CNTNAP5: variants seen among roughly 807,000 people sequenced by gnomAD.
The protein encoded by CNTNAP5 is contactin associated protein family member 5.
CNTNAP5 carries 72 observed loss-of-function variants against 150.2 expected under a neutral mutation model. That is an observed-to-expected ratio of 0.48 (90% CI 0.40 to 0.58). The LOEUF is 0.58. Among genes scored for constraint, CNTNAP5 ranks in the 20% least tolerant of loss-of-function variants. CNTNAP5 has a pLI of 0.00. For missense variants in CNTNAP5, 1,636 were observed against 1,626.2 expected (o/e 1.01, Z -0.10); for synonymous variants, 672 against 619.8 (o/e 1.08, Z -1.25).
intron 10 of CNTNAP5, among the ~76,000 whole-genome samples, chr2:124,562,161 A>G (rs76778200): frequency 6.6e-6 from 1 of 152,158 alleles, no homozygotes; most frequent in Non-Finnish European, 1.5e-5. Flanking sequence ...TGTCTGGAAG[A>G]AAAAAATGTT....
chr2:124,599,010 G>A lies in CNTNAP5; in HGVS notation c.1757-10791G>A, dbSNP rs1048668871. Among the ~76,000 whole-genome samples, 32 of 151,990 alleles carry A rather than the reference G, an allele frequency of 2.1e-4. 1 individual carries two copies. The highest frequency in any genetic ancestry group is 6.3e-4 in the African/African-American group (26 of 41,430). ...CCTCGCCCTGCTTCGGCTCACGCACGGTGCGCACACCCACTGGCCTGCGCC... is the reference window on the plus strand; with the variant it reads ...CCTCGCCCTGCTTCGGCTCACGCACAGTGCGCACACCCACTGGCCTGCGCC... On this transcript the variant is annotated intron_variant, in intron 11 of 23. Transcript: ENST00000682447.
At chr2:124,655,923 A>AAAAGAG (rs1678434644) in intron 13 of CNTNAP5, among the ~76,000 whole-genome samples, 1 of 105,932 alleles carries the variant, frequency 9.4e-6, no homozygotes, top group African/African-American at 3.7e-5. Context: ...GAAAGACAGA[A>AAAAGAG]AGAGAGAGAG....
intron 2 of CNTNAP5, among the ~76,000 whole-genome samples, chr2:124,226,374 G>A (rs1178858452): frequency 6.6e-6 from 1 of 152,054 alleles, no homozygotes; most frequent in Admixed American, 6.6e-5. Context: ...GCATCTTTCT[G>A]TGTGCCTGTT....
At chr2:124,510,591 C>CT (rs986717903) in intron 8 of CNTNAP5, among the ~76,000 whole-genome samples, 2 of 149,500 alleles carry the variant, frequency 1.3e-5, no homozygotes, top group South Asian at 2.1e-4. Flanking sequence ...TCTTCAGACT[C>CT]TTTTTTTGGT....
At chr2:124,466,624 A>G (rs1292098158) in intron 6 of CNTNAP5, among the ~76,000 whole-genome samples, 1 of 152,208 alleles carries the variant, frequency 6.6e-6, no homozygotes, top group Non-Finnish European at 1.5e-5. Flanking sequence ...GTAACAGAAT[A>G]ATAAGAATAA....
chr2:124,466,593 A>T (rs1378390493), intron 6 of CNTNAP5, among the ~76,000 whole-genome samples: 1 of 152,236 alleles, frequency 6.6e-6, no homozygotes, highest in Non-Finnish European at 1.5e-5. Flanking sequence ...AATTAACTTT[A>T]TCAAGTGTTT....
chr2:124,073,685 T>C (rs1682366250), intron 1 of CNTNAP5, among the ~76,000 whole-genome samples: 2 of 150,994 alleles, frequency 1.3e-5, no homozygotes, highest in Admixed American at 6.6e-5. Flanking sequence ...TGTCAGGCAA[T>C]AACCAATGCT....
At chr2:124,538,035 A>T (rs1267838130) in intron 10 of CNTNAP5, among the ~76,000 whole-genome samples, 2 of 152,158 alleles carry the variant, frequency 1.3e-5, no homozygotes, top group Non-Finnish European at 2.9e-5. Flanking sequence ...GAGCCAGGTG[A>T]ATTATCACAA....
intron 14 of CNTNAP5, among the ~76,000 whole-genome samples, chr2:124,757,261 A>G (rs1306481092): frequency 6.6e-6 from 1 of 152,200 alleles, no homozygotes; most frequent in African/African-American, 2.4e-5. Flanking sequence ...CAGGGAATGC[A>G]GGGCTGGAAA....
At chr2:124,520,477 A>G (rs1694825695) in intron 8 of CNTNAP5, among the ~76,000 whole-genome samples, 1 of 152,210 alleles carries the variant, frequency 6.6e-6, no homozygotes, top group South Asian at 2.1e-4. Context: ...GCTGCCACGA[A>G]CAACATATAA....
intron 3 of CNTNAP5, among the ~76,000 whole-genome samples, chr2:124,247,561 G>A (rs1344234473): frequency 6.6e-6 from 1 of 150,422 alleles, no homozygotes; most frequent in Non-Finnish European, 1.5e-5. Context: ...ACAGAGTACT[G>A]TATGTGTAAC....
At chr2:124,598,906 T>C (rs1696904090) in intron 11 of CNTNAP5, among the ~76,000 whole-genome samples, 1 of 152,048 alleles carries the variant, frequency 6.6e-6, no homozygotes, top group South Asian at 2.1e-4. Flanking sequence ...GACCCGATTT[T>C]CCAGGTGCGT....
At chr2:124,236,358 C>T (rs976484259) in intron 2 of CNTNAP5, among the ~76,000 whole-genome samples, 3 of 152,162 alleles carry the variant, frequency 2.0e-5, no homozygotes, top group Admixed American at 6.5e-5. Context: ...CCTTAGCCTT[C>T]CTGCACCTGC....
intron 1 of CNTNAP5, among the ~76,000 whole-genome samples, chr2:124,097,073 C>T (rs1682955491): frequency 3.3e-5 from 5 of 152,154 alleles, no homozygotes; most frequent in African/African-American, 1.2e-4. Flanking sequence ...CAAACATGAC[C>T]TATTCCTAGT....
chr2:124,585,743 A>C (rs1334293977), intron 11 of CNTNAP5, among the ~76,000 whole-genome samples: 1 of 132,518 alleles, frequency 7.5e-6, no homozygotes, highest in African/African-American at 2.9e-5. Context: ...TCTGAGCCCC[A>C]ACCTTACAAA....
chr2:124,356,466 C>CA (rs1028631720), intron 3 of CNTNAP5, among the ~76,000 whole-genome samples: 2 of 118,988 alleles, frequency 1.7e-5, no homozygotes, highest in African/African-American at 6.4e-5. Context: ...CCTCCCCCCA[C>CA]CCCACCACAG....
chr2:124,613,007 G>A (rs187732580), intron 12 of CNTNAP5, among the ~76,000 whole-genome samples: 2 of 152,274 alleles, frequency 1.3e-5, no homozygotes, highest in East Asian at 3.9e-4. Context: ...AGCCGAGATT[G>A]TGCCACTGCA....
At chr2:124,131,000 T>A (rs976237398) in intron 1 of CNTNAP5, among the ~76,000 whole-genome samples, 9 of 152,216 alleles carry the variant, frequency 5.9e-5, no homozygotes, top group Non-Finnish European at 2.9e-5. Flanking sequence ...AATATTCACA[T>A]AAATATTATA....
At chr2:124,172,543 G>T (rs1448922467) in intron 1 of CNTNAP5, among the ~76,000 whole-genome samples, 2 of 152,140 alleles carry the variant, frequency 1.3e-5, no homozygotes, top group African/African-American at 4.8e-5. Context: ...CTTCCCAGTA[G>T]CTGGGTCTGC....
Sources: gnomAD v4.1 joint callset for allele counts (sites outside exome capture counted in the v4.1 genomes callset) on GRCh38, gnomAD v4.1.1 for gene constraint, MANE v1.5 for transcripts, NCBI Gene and HGNC (gene_info 2026-07-23, HGNC 2026-07-21) for gene names.